Variants in CILK1 observed in about 807,000 individuals in gnomAD.
CILK1 encodes ciliogenesis associated kinase 1, also known as serine/threonine-protein kinase ICK.
In CILK1, 47 loss-of-function variants were observed where a neutral mutation model predicts 79.2. That is an observed-to-expected ratio of 0.59 (90% CI 0.47 to 0.76). The LOEUF is 0.76. Ranked by LOEUF, CILK1 falls within the 30% of genes least tolerant of loss-of-function variation. The probability of loss-of-function intolerance (pLI) is 0.00; values close to 1 mark genes in which losing one functional copy is unlikely to be tolerated. For missense variants in CILK1, 660 were observed against 769.5 expected (o/e 0.86, Z 1.68); for synonymous variants, 266 against 275.9 (o/e 0.96, Z 0.36).
intron 1 of CILK1, among the ~76,000 whole-genome samples, chr6:53,053,177 T>G (rs778218217): frequency 5.9e-5 from 9 of 152,174 alleles, no homozygotes; most frequent in Non-Finnish European, 1.3e-4. Flanking sequence ...AGTCTTTTAT[T>G]TTCCTCCTCT....
chr6:53,011,816 C>A lies in CILK1; in HGVS notation c.1445G>T (p.Arg482Ile), dbSNP rs771754576. 6.2e-7 allele frequency: 1 copy of A among 1,614,132 alleles called. No homozygotes were observed. Among genetic ancestry groups the A allele is most frequent in the Non-Finnish European group, 8.5e-7 (1 of 1,180,014 alleles). ...CAAATAGTGCTGCTTGGCTGCAGAT[C>A]TCAGGGTGGGCGTGTCTCGCCGCTG... Reference protein sequence around the residue: ...SYQRRDTPTLRSAAKQHYLKH... With the variant: ...SYQRRDTPTLISAAKQHYLKH... The change falls in exon 11 of 14, where the codon AGA (arginine) becomes ATA (isoleucine). Residue 482 changes from arginine to isoleucine, a missense_variant. Physicochemically the swap from Arg to Ile is moderately conservative, Grantham distance 97. Transcript: ENST00000676107.
chr6:53,042,672 T>C (rs1368428143), intron 1 of CILK1, among the ~76,000 whole-genome samples: 1 of 152,224 alleles, frequency 6.6e-6, no homozygotes. Context: ...GAAACTGTAG[T>C]AATAATGTAA....
chr6:53,020,716 T>A (rs1765177547), intron 5 of CILK1, among the ~76,000 whole-genome samples: 1 of 152,194 alleles, frequency 6.6e-6, no homozygotes, highest in Non-Finnish European at 1.5e-5. Flanking sequence ...AGCTGGATTC[T>A]AACTAGCACA....
At chr6:53,039,044 C>A (rs1766535612) in intron 2 of CILK1, among the ~76,000 whole-genome samples, 2 of 152,230 alleles carry the variant, frequency 1.3e-5, no homozygotes, top group African/African-American at 2.4e-5. Flanking sequence ...CAATAACAAA[C>A]TTCCCATCTC....
intron 13 of CILK1, among the ~76,000 whole-genome samples, chr6:53,005,796 C>T (rs1409493127): frequency 6.6e-6 from 1 of 152,158 alleles, no homozygotes; most frequent in African/African-American, 2.4e-5. Context: ...CCACGTCACT[C>T]AGAATCCATG....
At chr6:53,022,571 A>C (rs759091548) in intron 5 of CILK1, among the ~76,000 whole-genome samples, 1 of 152,214 alleles carries the variant, frequency 6.6e-6, no homozygotes, top group Non-Finnish European at 1.5e-5. Context: ...GCACAACAAC[A>C]AAATTGTCTA....
rs537065308 is a variant in CILK1 at position 53,020,190 on chromosome 6, G to A, written c.359-831C>T. Among the ~76,000 whole-genome samples the A allele has an allele frequency of 9.8e-4, 150 of 152,298 alleles. 2 individuals carry two copies. The South Asian group carries it at 0.03, about 31-fold the overall frequency. ...ATGAAAGGCAAAGATAACTCATTAC[G>A]TAGGAAGCCTGTCTCAGCTATAGCA... On this transcript the variant is annotated intron_variant, in intron 5 of 13. Transcript: ENST00000676107.
chr6:53,039,259 G>T (rs1427346677), intron 2 of CILK1, among the ~76,000 whole-genome samples: 1 of 152,234 alleles, frequency 6.6e-6, no homozygotes, highest in Admixed American at 6.5e-5. Context: ...CAAGTGCTGT[G>T]AAGAAAGGAA....
At chr6:53,018,593 G>A (rs1250991510) in intron 6 of CILK1, 92 bp from the exon 7 acceptor site, 1 of 1,268,094 alleles carries the variant, frequency 7.9e-7, no homozygotes, top group Non-Finnish European at 1.1e-6. Flanking sequence ...GGGTGTATAT[G>A]TTCCTATTTT....
chr6:53,020,808 T>A (rs1765187099), intron 5 of CILK1, among the ~76,000 whole-genome samples: 1 of 152,184 alleles, frequency 6.6e-6, no homozygotes, highest in Non-Finnish European at 1.5e-5. Flanking sequence ...CAAGTCTACA[T>A]TTCTAATGTG....
intron 1 of CILK1, among the ~76,000 whole-genome samples, chr6:53,053,965 T>C (rs1767663615): frequency 1.3e-5 from 2 of 152,074 alleles, no homozygotes; most frequent in South Asian, 4.2e-4. Context: ...TCTGTGACTC[T>C]GTATCAGGAA....
At chr6:53,015,132 C>T (rs1764818116) in intron 8 of CILK1, among the ~76,000 whole-genome samples, 1 of 152,198 alleles carries the variant, frequency 6.6e-6, no homozygotes, top group Admixed American at 6.5e-5. Context: ...ATTCTACCAC[C>T]ACATTGGCAC....
At chr6:53,033,119 C>T (rs1324710785) in intron 3 of CILK1, among the ~76,000 whole-genome samples, 1 of 152,200 alleles carries the variant, frequency 6.6e-6, no homozygotes, top group Non-Finnish European at 1.5e-5. Context: ...GGGTTGATGG[C>T]CTGCTTCTCT....
intron 1 of CILK1, among the ~76,000 whole-genome samples, chr6:53,060,569 T>C (rs1562055357): frequency 6.6e-6 from 1 of 152,242 alleles, no homozygotes; most frequent in Non-Finnish European, 1.5e-5. Flanking sequence ...CTACTTCTAG[T>C]GTTTTACAAG....
At chr6:53,036,470 C>A (rs1766344530) in intron 3 of CILK1, among the ~76,000 whole-genome samples, 1 of 152,156 alleles carries the variant, frequency 6.6e-6, no homozygotes. Flanking sequence ...GGCTGCAGTA[C>A]AGTGGCACAA....
chr6:53,027,916 G>A (rs1765679837), intron 5 of CILK1, among the ~76,000 whole-genome samples: 1 of 152,210 alleles, frequency 6.6e-6, no homozygotes, highest in Non-Finnish European at 1.5e-5. Context: ...GGGAGGCCGA[G>A]GCGGGTGGAT....
rs1763992114 is a variant in CILK1 at position 53,002,571 on chromosome 6, T to C, written c.*2578A>G. The C allele has an allele frequency of 6.6e-6, 1 of 152,198 alleles. No homozygotes were observed. 9.4% of individuals were successfully genotyped at this position (152,198 alleles called of 1,614,324 possible). On this transcript the variant is annotated 3_prime_UTR_variant, in exon 14 of 14. Transcript: ENST00000676107. Reference sequence around the variant, plus strand: ...GGTTACTATTCCCTTCTATAGTGCATAGGTTTTTTTACACAATTTGTCCTT... The same window carrying C: ...GGTTACTATTCCCTTCTATAGTGCACAGGTTTTTTTACACAATTTGTCCTT...
rs995207433 is a variant in CILK1, at chr6:53,014,084, T to C, written c.832-102A>G. On this transcript the variant is annotated intron_variant, in intron 8 of 13. Transcript: ENST00000676107. The stretch of plus-strand genomic sequence containing the variant: ...TCATTGTGACCAGTTTACTACTGTT[T>C]CTTAGCCCAATTAGAAAACAGTACC... The C allele has an allele frequency of 5.4e-6, 5 of 925,608 alleles. No individual in the cohort carries two copies. In the African/African-American group the frequency reaches 8.2e-5, roughly 15 times the overall value. The allele number at this position is 925,608 out of a possible 1,614,324, so 57.3% of individuals were successfully genotyped here.
intron 5 of CILK1, among the ~76,000 whole-genome samples, chr6:53,028,016 A>G (rs1177023328): frequency 1.3e-5 from 2 of 152,138 alleles, no homozygotes; most frequent in South Asian, 4.1e-4. Flanking sequence ...GTGTGGTGGC[A>G]TGCGCCTGTA....
Sources: allele counts gnomAD v4.1 joint callset (sites outside exome capture counted in the v4.1 genomes callset), GRCh38; gene constraint gnomAD v4.1.1; transcripts MANE v1.5; gene names NCBI Gene and HGNC (gene_info 2026-07-23, HGNC 2026-07-21).